Variants in ZNF212 observed in about 807,000 individuals in gnomAD.
ZNF212 encodes Zinc finger protein C2H2-150.
A neutral mutation model predicts 47.3 loss-of-function variants in ZNF212; 32 were observed. The ratio of observed to expected loss-of-function variants is 0.68; its 90% confidence interval spans 0.51 to 0.91. The LOEUF is 0.91. Among genes scored for constraint, ZNF212 ranks in the 40% least tolerant of loss-of-function variants. The pLI is 0.00. For synonymous variants in ZNF212, 242 were observed against 253.8 expected, an observed-to-expected ratio of 0.95 and a Z score of 0.44; for missense variants, 555 against 622.8, an observed-to-expected ratio of 0.89 and a Z score of 1.16.
At chr7:149,244,503 T>C (rs565284743) in intron 1 of ZNF212, among the ~76,000 whole-genome samples, 416 of 151,824 alleles carry the variant, frequency 2.7e-3, no homozygotes, top group Middle Eastern at 0.01. Context: ...TTAGTAGAGA[T>C]GGGGTTTCAC....
Position 149,254,271 on chromosome 7 carries a change from C to T in ZNF212, c.1344C>T (p.Ile448=), listed in dbSNP as rs150566472. Reference sequence around the variant, plus strand: ...CTGACTTGGTGCGGCACCAGCGCATCCACACGGGTGAGCGGCCCTACAGCT... The same window carrying T: ...CTGACTTGGTGCGGCACCAGCGCATTCACACGGGTGAGCGGCCCTACAGCT... ...HPSDLVRHQR[I]HTGERPYSCT... is the part of the protein sequence containing the mutation. Residue 448 remains isoleucine (I), a synonymous_variant, in exon 5 of 5, where the codon ATC becomes ATT. Transcript: ENST00000335870. This position sits in a 1 kb window ranked among gnomAD's most constrained non-coding sequence, Gnocchi z 4.5. The T allele has an allele frequency of 1.5e-4, 246 of 1,614,128 alleles. 2 individuals are homozygous for T. The highest frequency in any genetic ancestry group is 8.8e-5 in the Non-Finnish European group (104 of 1,180,050).
chr7:149,251,489 ATCTTT>A (rs1475720679), intron 3 of ZNF212, among the ~76,000 whole-genome samples: 1 of 83,388 alleles, frequency 1.2e-5, no homozygotes, highest in Non-Finnish European at 2.4e-5. Context: ...GGCCTGTTTT[ATCTTT>A]TTTTTTTTTT....
intron 1 of ZNF212, among the ~76,000 whole-genome samples, chr7:149,245,860 T>C (rs1303616830): frequency 6.6e-6 from 1 of 152,146 alleles, no homozygotes; most frequent in African/African-American, 2.4e-5. Context: ...TGACTTGAAA[T>C]TTTTCTTCCC....
chr7:149,250,183 C>T lies in ZNF212; in HGVS notation c.49C>T (p.Pro17Ser). 6 of 1,547,272 alleles carry T rather than the reference C, an allele frequency of 3.9e-6. No individual in the cohort carries two copies. Among genetic ancestry groups the T allele is most frequent in the Non-Finnish European group, 5.2e-6 (6 of 1,147,666 alleles). Residue 17 changes from proline to serine, a missense_variant, in exon 2 of 5, where the codon CCT becomes TCT. Transcript: ENST00000335870. ...ARHRRKRRST[P>S]LTSSTLPSQA... is the part of the protein sequence containing the mutation. ...GCACAGGAGAAAACGACGCTCCACA[C>T]CTTTAACTTCTTCCACACTTCCTTC...
intron 3 of ZNF212, chr7:149,251,449 C>T (rs1796756196): frequency 6.7e-6 from 1 of 148,780 alleles, no homozygotes; most frequent in African/African-American, 2.5e-5. Flanking sequence ...CCCCAAAGTG[C>T]TAGGATTACA....
chr7:149,241,614 G>T (rs1796590541), intron 1 of ZNF212, among the ~76,000 whole-genome samples: 1 of 152,072 alleles, frequency 6.6e-6, no homozygotes, highest in Non-Finnish European at 1.5e-5. Context: ...GAAAATGCTG[G>T]AAAACCCTGC....
At chr7:149,247,281 A>T (rs1200828165) in intron 1 of ZNF212, among the ~76,000 whole-genome samples, 1 of 150,942 alleles carries the variant, frequency 6.6e-6, no homozygotes, top group Non-Finnish European at 1.5e-5. Flanking sequence ...GGCTCATTTT[A>T]AAAAAATTGT....
At chr7:149,239,894 G>C (rs1012624171) in intron 1 of ZNF212, 92 bp downstream of exon 1, 4 of 1,250,092 alleles carry the variant, frequency 3.2e-6, no homozygotes, top group South Asian at 6.2e-5. Flanking sequence ...GACGCCGCCG[G>C]GGTCTTGGTT....
intron 3 of ZNF212, among the ~76,000 whole-genome samples, chr7:149,251,819 T>TTAAATA (rs1330504951): frequency 1.3e-5 from 2 of 151,734 alleles, no homozygotes; most frequent in African/African-American, 4.8e-5. Flanking sequence ...TTTAAGACTA[T>TTAAATA]TTGAGATGGG....
At chr7:149,250,580 G>C (rs765752747) in intron 2 of ZNF212, 32 bp downstream of exon 2, 2 of 1,603,966 alleles carry the variant, frequency 1.2e-6, no homozygotes, top group African/African-American at 1.3e-5. Flanking sequence ...AGTTAGAAGA[G>C]AAGGGGGAGC....
chr7:149,252,032 G>T (rs967878898), intron 3 of ZNF212, among the ~76,000 whole-genome samples: 2 of 151,572 alleles, frequency 1.3e-5, no homozygotes, highest in African/African-American at 2.4e-5. Flanking sequence ...GCATTTTCTT[G>T]GTGTTTGGCC....
In ZNF212 at chr7:149,242,005, CTTTTT is replaced by C. The variant is rs1370458452; in HGVS notation, c.24+2204_24+2208del. On this transcript the variant is annotated intron_variant, in intron 1 of 4. Transcript: ENST00000335870. Reference sequence around the variant, plus strand: ...TTTCGTTTCTTTTCTTTCTTTTCTTCTTTTTCTTTTCTTTTCTTTTTTTTTTTTTT... The same window carrying C: ...TTTCGTTTCTTTTCTTTCTTTTCTTCCTTTTCTTTTCTTTTTTTTTTTTTT... 3.1e-3 allele frequency among the ~76,000 whole-genome samples: 447 copies of C among 143,636 alleles called. 2 individuals are homozygous for C. Among genetic ancestry groups the C allele is most frequent in the African/African-American group, 9.6e-3 (375 of 39,060 alleles). 94.2% of individuals were successfully genotyped at this position (143,636 alleles called of 152,430 possible). A position where few individuals can be genotyped will look rare whatever the true frequency, so the allele number is the denominator to read the frequency against.
At position 149,240,385 on chromosome 7, in the gene ZNF212, C is replaced by G. The variant is rs182725518; in HGVS notation, c.24+583C>G. Among the ~76,000 whole-genome samples the G allele has an allele frequency of 8.7e-5, 13 of 149,590 alleles. 1 individual carries two copies. The highest frequency in any genetic ancestry group is 1.5e-4 in the African/African-American group (6 of 40,530). ...AGCTGCCCAAACTCTCTCCTTCACC[C>G]CCCCCCCAACACCCCCCTCCCAGCC... On this transcript the variant is annotated intron_variant, in intron 1 of 4. Transcript: ENST00000335870.
In ZNF212 at chr7:149,255,113, T is replaced by G. The variant is rs1249736383; in HGVS notation, c.*698T>G. The G allele has an allele frequency of 6.6e-6, 1 of 152,188 alleles. No individual in the cohort carries two copies. Among genetic ancestry groups the G allele is most frequent in the Non-Finnish European group, 1.5e-5 (1 of 68,078 alleles). The allele number at this position is 152,188 out of a possible 1,614,324, so 9.4% of individuals were successfully genotyped here. Reference sequence around the variant, plus strand: ...GTGCTAGGTTCCCTCGTGCAGTGCCTGGTGCTCTCAAATTGTCTCAAAAGG... The same window carrying G: ...GTGCTAGGTTCCCTCGTGCAGTGCCGGGTGCTCTCAAATTGTCTCAAAAGG... On this transcript the variant is annotated 3_prime_UTR_variant, in exon 5 of 5. Transcript: ENST00000335870.
chr7:149,251,255 G>T, intron 3 of ZNF212: 1 of 193,662 alleles, frequency 5.2e-6, no homozygotes, highest in Non-Finnish European at 1.1e-5. Context: ...CACAATCTTG[G>T]CTCACTGCAA....
At position 149,250,471 on chromosome 7, in the gene ZNF212, A is replaced by G; in HGVS notation, c.337A>G (p.Asn113Asp). Reference protein sequence around the residue: ...EYGLLQRRLENVENLLRNRNF... With the variant: ...EYGLLQRRLEDVENLLRNRNF... Reference sequence around the variant, plus strand: ...TGGGCTACTGCAGAGGCGGCTGGAGAACGTGGAGAACCTGCTGCGCAACAG... The same window carrying G: ...TGGGCTACTGCAGAGGCGGCTGGAGGACGTGGAGAACCTGCTGCGCAACAG... Residue 113 changes from asparagine to aspartate, a missense_variant, in exon 2 of 5, where the codon AAC (asparagine) becomes GAC (aspartate). Asn to Asp is a conservative substitution (Grantham distance 23). Transcript: ENST00000335870. 6.2e-7 allele frequency: 1 copy of G among 1,614,006 alleles called. No individual in the cohort carries two copies. The highest frequency in any genetic ancestry group is 8.5e-7 in the Non-Finnish European group (1 of 1,180,014).
At chr7:149,251,491 C>CTTTTTTT (rs71194634) in intron 3 of ZNF212, among the ~76,000 whole-genome samples, 7 of 77,434 alleles carry the variant, frequency 9.0e-5, no homozygotes, top group Admixed American at 1.7e-4. Flanking sequence ...CCTGTTTTAT[C>CTTTTTTT]TTTTTTTTTT....
At position 149,246,501 on chromosome 7, in the gene ZNF212, A is replaced by G. The variant is rs376505042; in HGVS notation, c.25-3658A>G. 3.2e-4 allele frequency among the ~76,000 whole-genome samples: 48 copies of G among 151,488 alleles called. No individual in the cohort carries two copies. In the East Asian group the frequency reaches 8.4e-3, roughly 27 times the overall value. On this transcript the variant is annotated intron_variant, in intron 1 of 4. Coordinates refer to ENST00000335870, the MANE Select transcript of ZNF212 (RefSeq NM_012256.4). The stretch of plus-strand genomic sequence containing the variant: ...GGGTTCACACCATTCTCTCGCCTCA[A>G]CCTCCCAAGTAGCTGGGACTACAGG...
Position 149,241,431 on chromosome 7 carries a change from CA to C in ZNF212, c.24+1650del, listed in dbSNP as rs35747561. Among the ~76,000 whole-genome samples the C allele has an allele frequency of 4.5e-3, 344 of 76,742 alleles. 1 individual carries two copies. The highest frequency in any genetic ancestry group is 7.6e-3 in the South Asian group (15 of 1,980). 50.3% of individuals were successfully genotyped at this position (76,742 alleles called of 152,430 possible). On this transcript the variant is annotated intron_variant, in intron 1 of 4. Coordinates refer to ENST00000335870, the MANE Select transcript of ZNF212 (RefSeq NM_012256.4). ...TGGGTGACAGAGCAAGACTCTGTCT[CA>C]AAAAAAAAAAAAAAAAAAAAGTCCA...
Sources: gnomAD v4.1 joint callset for allele counts (sites outside exome capture counted in the v4.1 genomes callset) on GRCh38, gnomAD v4.1.1 for gene constraint, Gnocchi (gnomAD v3.1) non-coding constraint, MANE v1.5 for transcripts, NCBI Gene and HGNC (gene_info 2026-07-23, HGNC 2026-07-21) for gene names.